RPN2: variants seen among roughly 807,000 people sequenced by gnomAD.
The protein encoded by RPN2 is ribophorin II.
RPN2 carries 29 observed loss-of-function variants against 71.4 expected under a neutral mutation model. The observed-to-expected ratio is 0.41, with a 90% CI of 0.30 to 0.55. The LOEUF (loss-of-function observed/expected upper bound fraction) is 0.55, where lower values mean the gene tolerates loss of function less well. Ranked by LOEUF, RPN2 falls within the 20% of genes least tolerant of loss-of-function variation. The pLI is 0.35. For synonymous variants in RPN2, 308 were observed against 305.0 expected, an observed-to-expected ratio of 1.01 and a Z score of -0.10; for missense variants, 726 against 774.1, an observed-to-expected ratio of 0.94 and a Z score of 0.74.
At chr20:37,209,194 TG>T (rs2067594589) in intron 7 of RPN2, among the ~76,000 whole-genome samples, 1 of 152,252 alleles carries the variant, frequency 6.6e-6, no homozygotes, top group Admixed American at 6.5e-5. Context: ...GATAGGAGAA[TG>T]TATGTAAAGG....
intron 9 of RPN2, among the ~76,000 whole-genome samples, chr20:37,221,892 A>G (rs553230578): frequency 6.6e-6 from 1 of 152,154 alleles, no homozygotes; most frequent in Non-Finnish European, 1.5e-5. Context: ...CTTTCATAAC[A>G]CTTTGTACAT....
intron 2 of RPN2, among the ~76,000 whole-genome samples, chr20:37,197,697 C>T (rs2067284123): frequency 6.6e-6 from 1 of 152,164 alleles, no homozygotes. Context: ...GCCTCAACTT[C>T]AAGCAGTCCT....
At chr20:37,215,159 C>T (rs181307261) in intron 9 of RPN2, among the ~76,000 whole-genome samples, 56 of 152,204 alleles carry the variant, frequency 3.7e-4, no homozygotes, top group African/African-American at 1.3e-3. Flanking sequence ...TCTTGTTGCT[C>T]ATTTTATCCT....
chr20:37,208,874 G>A (rs1008927912), intron 7 of RPN2, among the ~76,000 whole-genome samples: 1 of 152,122 alleles, frequency 6.6e-6, no homozygotes, highest in Admixed American at 6.5e-5. Context: ...GTTCTACTTT[G>A]GTGGCCCCTG....
chr20:37,209,891 A>C (rs902292419), intron 7 of RPN2, among the ~76,000 whole-genome samples, 156 bp from the exon 8 acceptor site: 1 of 152,222 alleles, frequency 6.6e-6, no homozygotes. Context: ...AATTCACTTT[A>C]GGATTAGGCA....
chr20:37,232,452 C>A, intron 14 of RPN2, 61 bp downstream of exon 14: 1 of 1,586,098 alleles, frequency 6.3e-7, no homozygotes, highest in South Asian at 1.1e-5. Context: ...CAGATGCATT[C>A]CTTCCAAAGG....
At chr20:37,219,996 C>T (rs1174284570) in intron 9 of RPN2, among the ~76,000 whole-genome samples, 3 of 152,084 alleles carry the variant, frequency 2.0e-5, no homozygotes, top group African/African-American at 7.2e-5. Flanking sequence ...GGTGTTTGTC[C>T]AAGTGTTTCT....
At chr20:37,218,299 G>T (rs1034133347) in intron 9 of RPN2, among the ~76,000 whole-genome samples, 3 of 142,528 alleles carry the variant, frequency 2.1e-5, no homozygotes. Flanking sequence ...ACCTGTCCCA[G>T]CTACTTAAGA....
At chr20:37,197,658 G>A (rs1364357046) in intron 2 of RPN2, among the ~76,000 whole-genome samples, 1 of 152,134 alleles carries the variant, frequency 6.6e-6, no homozygotes, top group African/African-American at 2.4e-5. Flanking sequence ...CCAGACTGGA[G>A]TGTAGTGGCA....
In RPN2 at chr20:37,213,848, A is replaced by G; in HGVS notation, c.1075A>G (p.Ile359Val). ...LVEVEGDNRY[I>V]ANTVELRVKI... is the part of the protein sequence containing the mutation. ...CGAAGTTGAAGGTGACAACCGGTAT[A>G]TTGCAAATACCGTAGAGGTAGGTGT... The change falls in exon 9 of 17, where the codon ATT (isoleucine) becomes GTT (valine). Residue 359 changes from isoleucine (I) to valine (V), a missense_variant. By Grantham distance (29) the Ile-to-Val change is conservative. Coordinates refer to ENST00000237530, the MANE Select transcript of RPN2 (RefSeq NM_002951.5). 3 of 1,611,010 alleles carry G rather than the reference A, an allele frequency of 1.9e-6. No individual in the cohort carries two copies. Among genetic ancestry groups the G allele is most frequent in the Non-Finnish European group, 2.5e-6 (3 of 1,177,122 alleles).
At chr20:37,188,385 C>T (rs890425986) in intron 2 of RPN2, among the ~76,000 whole-genome samples, 11 of 151,940 alleles carry the variant, frequency 7.2e-5, no homozygotes, top group African/African-American at 2.7e-4. Flanking sequence ...CATCTCCTGA[C>T]CTTGTGATCT....
intron 8 of RPN2, among the ~76,000 whole-genome samples, chr20:37,211,753 A>G (rs2067676077): frequency 1.4e-5 from 2 of 147,128 alleles, no homozygotes; most frequent in South Asian, 2.2e-4. Context: ...CTTTTTTGAG[A>G]TGGAGTTTTA....
At position 37,236,643 on chromosome 20, in the gene RPN2, T is replaced by A; in HGVS notation, c.1817T>A (p.Leu606Gln). 4 of 1,614,088 alleles carry A rather than the reference T, an allele frequency of 2.5e-6. No homozygotes were observed. Among genetic ancestry groups the A allele is most frequent in the Non-Finnish European group, 3.4e-6 (4 of 1,179,918 alleles). Residue 606 changes from leucine (L) to glutamine (Q), a missense_variant, in exon 16 of 17, where the codon CTG (leucine) becomes CAG (glutamine). Transcript: ENST00000237530. ...AACATGTTCCAGACCTTGAAGTACC[T>A]GGCCATCCTGGGCAGTGTGACGTTT... is the stretch of plus-strand genomic sequence containing the variant. The part of the protein sequence containing the change: ...QLNMFQTLKY[L>Q]AILGSVTFLA...
Position 37,236,663 on chromosome 20 carries a change from A to G in RPN2, c.1837A>G (p.Thr613Ala), listed in dbSNP as rs746900759. The G allele has an allele frequency of 3.7e-6, 6 of 1,614,160 alleles. No homozygotes were observed. The highest frequency in any genetic ancestry group is 2.5e-6 in the Non-Finnish European group (3 of 1,179,980). ...GTACCTGGCCATCCTGGGCAGTGTG[A>G]CGTTTCTGGCTGGCAATCGGATGCT... ...LKYLAILGSVTFLAGNRMLAQ... is the reference protein window; with the variant it reads ...LKYLAILGSVAFLAGNRMLAQ... The change falls in exon 16 of 17, where the codon ACG (threonine) becomes GCG (alanine). Residue 613 changes from threonine to alanine, a missense_variant. Coordinates refer to ENST00000237530, the MANE Select transcript of RPN2 (RefSeq NM_002951.5).
At chr20:37,220,916 A>G (rs1057228646) in intron 9 of RPN2, among the ~76,000 whole-genome samples, 11 of 152,218 alleles carry the variant, frequency 7.2e-5, no homozygotes, top group Admixed American at 2.0e-4. Flanking sequence ...ATGTGCAACA[A>G]TGAAAGCTGT....
chr20:37,204,221 G>C (rs1238411220), intron 5 of RPN2, among the ~76,000 whole-genome samples: 1 of 152,152 alleles, frequency 6.6e-6, no homozygotes, highest in Non-Finnish European at 1.5e-5. Context: ...GCTCCTCTGG[G>C]ACCTCTGTCA....
At chr20:37,184,394 G>T in intron 2 of RPN2, 21 bp downstream of exon 2, 1 of 1,605,376 alleles carries the variant, frequency 6.2e-7, no homozygotes. Context: ...TTTTGTCCTG[G>T]TGGTCAGGGT....
At chr20:37,193,487 C>T (rs561642481) in intron 2 of RPN2, among the ~76,000 whole-genome samples, 4 of 152,212 alleles carry the variant, frequency 2.6e-5, no homozygotes, top group African/African-American at 9.6e-5. Flanking sequence ...GCCATAGTGC[C>T]TTGGCCCACA....
At chr20:37,192,660 A>G (rs2067168342) in intron 2 of RPN2, among the ~76,000 whole-genome samples, 1 of 152,222 alleles carries the variant, frequency 6.6e-6, no homozygotes, top group South Asian at 2.1e-4. Flanking sequence ...TATGTTGTCT[A>G]ATAGCTGAGA....
Sources: allele counts gnomAD v4.1 joint callset (sites outside exome capture counted in the v4.1 genomes callset), GRCh38; gene constraint gnomAD v4.1.1; transcripts MANE v1.5; gene names NCBI Gene and HGNC (gene_info 2026-07-23, HGNC 2026-07-21).